Variants in ZMYM1 observed in about 807,000 individuals in gnomAD.
The protein encoded by ZMYM1 is zinc finger MYM-type protein 1.
ZMYM1 carries 39 observed loss-of-function variants against 60.0 expected under a neutral mutation model. That is an observed-to-expected ratio of 0.65 (90% CI 0.50 to 0.85). The LOEUF is 0.85. Ranked by LOEUF, ZMYM1 falls within the 40% of genes least tolerant of loss-of-function variation. The probability of loss-of-function intolerance (pLI) is 0.00; values close to 1 mark genes in which losing one functional copy is unlikely to be tolerated. For missense variants in ZMYM1, 1,171 were observed against 1,309.5 expected, an observed-to-expected ratio of 0.89 and a Z score of 1.63; for synonymous variants, 413 against 454.0, an observed-to-expected ratio of 0.91 and a Z score of 1.15.
chr1:35,094,213 T>C, intron 2 of ZMYM1, 130 bp downstream of exon 2: 2 of 669,346 alleles, frequency 3.0e-6, no homozygotes, highest in Admixed American at 3.1e-5. Flanking sequence ...AATTAAATAA[T>C]ACAAGGTATA....
Position 35,115,465 on chromosome 1 carries a change from G to GTA in ZMYM1, c.*209_*210dup, listed in dbSNP as rs1292172482. ...TTTTTCCTAAGTGGTATTGTACGGT[G>GTA]TATACTGTTCTTCAGCTTGTCTTCT... On this transcript the variant is annotated 3_prime_UTR_variant, in exon 10 of 10. Coordinates refer to ENST00000359858, the MANE Select transcript of ZMYM1 (RefSeq NM_024772.5). 2 of 415,228 alleles carry GTA rather than the reference G, an allele frequency of 4.8e-6. No individual in the cohort carries two copies. The highest frequency in any genetic ancestry group is 8.3e-6 in the Non-Finnish European group (2 of 241,688). 25.7% of individuals were successfully genotyped at this position (415,228 alleles called of 1,614,324 possible).
intron 1 of ZMYM1, among the ~76,000 whole-genome samples, chr1:35,091,121 A>C (rs990219481): frequency 6.6e-6 from 1 of 152,184 alleles, no homozygotes; most frequent in Non-Finnish European, 1.5e-5. Context: ...TGGGGGTAAT[A>C]AAAGAATATA....
chr1:35,111,901 A>G lies in ZMYM1; in HGVS notation c.1091A>G (p.Asp364Gly), dbSNP rs1230717397. The G allele has an allele frequency of 1.3e-6, 2 of 1,589,008 alleles. No homozygotes were observed. Among genetic ancestry groups the G allele is most frequent in the South Asian group, 1.1e-5 (1 of 87,156 alleles). The change falls in exon 8 of 10, where the codon GAT becomes GGT. Residue 364 changes from aspartate to glycine, a missense_variant. Physicochemically the swap from Asp to Gly is moderately conservative, Grantham distance 94. Transcript: ENST00000359858. ...TDVALPIMNT[D>G]VLQDTVSSVT... ...GTTGCCTTGCCCATCATGAACACTG[A>G]TGTCTTACAAGGTAAAAGTTGATGT...
intron 8 of ZMYM1, 37 bp from the exon 9 acceptor site, chr1:35,112,050 G>A (rs1217190459): frequency 3.1e-6 from 5 of 1,603,596 alleles, no homozygotes; most frequent in Admixed American, 3.4e-5. Flanking sequence ...ATAGGTTATA[G>A]TATATAAGAT....
chr1:35,095,909 G>A lies in ZMYM1; in HGVS notation c.169+18G>A, dbSNP rs2101973. On this transcript the variant is annotated intron_variant, in intron 3 of 9. Coordinates refer to ENST00000359858, the MANE Select transcript of ZMYM1 (RefSeq NM_024772.5). ...AGAGAGTGGTAATAGAATTATTTAA[G>A]TTAGTTATGTTTATTCAGACCAATA... is the stretch of plus-strand genomic sequence containing the variant. 0.83 allele frequency: 1,300,160 copies of A among 1,559,354 alleles called. 561,264 individuals are homozygous for A. Among genetic ancestry groups the A allele is most frequent in the Non-Finnish European group, 0.9 (1,020,188 of 1,134,112 alleles).
chr1:35,102,792 AT>A (rs1445712762), intron 4 of ZMYM1, among the ~76,000 whole-genome samples: 1 of 152,198 alleles, frequency 6.6e-6, no homozygotes, highest in East Asian at 1.9e-4. Flanking sequence ...GACAACCATC[AT>A]CCTTTGGTGT....
chr1:35,105,579 G>A (rs557884696), intron 6 of ZMYM1, among the ~76,000 whole-genome samples: 32 of 152,334 alleles, frequency 2.1e-4, no homozygotes, highest in African/African-American at 5.3e-4. Context: ...GATTACAGGC[G>A]TAAGCCACTG....
intron 6 of ZMYM1, among the ~76,000 whole-genome samples, chr1:35,108,427 C>G (rs1429517669): frequency 1.3e-5 from 2 of 152,122 alleles, no homozygotes; most frequent in East Asian, 3.9e-4. Context: ...TCTCAGCTCA[C>G]TGCAACCTCC....
chr1:35,081,011 TCAGCTCACTGCAACCTCCACCTC>T (rs1642359599), intron 1 of ZMYM1, among the ~76,000 whole-genome samples: 2 of 152,016 alleles, frequency 1.3e-5, no homozygotes, highest in Non-Finnish European at 2.9e-5. Context: ...TAGCGCGATC[TCAGCTCACTGCAACCTCCACCTC>T]CAGTTCAAGT....
chr1:35,072,243 C>T (rs1043337907), intron 1 of ZMYM1, among the ~76,000 whole-genome samples: 1 of 152,136 alleles, frequency 6.6e-6, no homozygotes. Context: ...TCAATTTCCT[C>T]ACTCATTTTT....
In ZMYM1 at chr1:35,110,349, A is replaced by G. The variant is rs763724640; in HGVS notation, c.863A>G (p.Glu288Gly). The G allele has an allele frequency of 6.3e-7, 1 of 1,592,832 alleles. No individual in the cohort carries two copies. Among genetic ancestry groups the G allele is most frequent in the South Asian group, 1.1e-5 (1 of 87,256 alleles). ...VPCKPLKPSD[E>G]MIETTSDLGK... ...TGCAAACCATTGAAGCCCTCAGATGAAATGATTGAGACTACGAGTGATTTG... is the reference window on the plus strand; with the variant it reads ...TGCAAACCATTGAAGCCCTCAGATGGAATGATTGAGACTACGAGTGATTTG... Residue 288 changes from glutamate to glycine, a missense_variant, in exon 7 of 10, where the codon GAA becomes GGA. Glu to Gly is a moderately conservative substitution (Grantham distance 98). Coordinates refer to ENST00000359858, the MANE Select transcript of ZMYM1 (RefSeq NM_024772.5).
chr1:35,076,106 C>T (rs1201815736), upstream of ZMYM1, among the ~76,000 whole-genome samples: 1 of 152,182 alleles, frequency 6.6e-6, no homozygotes, highest in African/African-American at 2.4e-5. Flanking sequence ...CAACCTCTTC[C>T]ACACTAGCCA....
intron 1 of ZMYM1, among the ~76,000 whole-genome samples, chr1:35,091,732 A>C (rs1212807624): frequency 2.8e-5 from 4 of 140,624 alleles, no homozygotes; most frequent in Non-Finnish European, 4.7e-5. Flanking sequence ...CCTTCTCTAC[A>C]AAAAAAAAAA....
rs746420102 is a variant in ZMYM1, at chr1:35,113,847, A to G, written c.2017A>G (p.Ile673Val). The change falls in exon 10 of 10, where the codon ATC (isoleucine) becomes GTC (valine). Residue 673 changes from isoleucine (I) to valine (V), a missense_variant. By Grantham distance (29) the Ile-to-Val change is conservative (BLOSUM62 3). Coordinates refer to ENST00000359858, the MANE Select transcript of ZMYM1 (RefSeq NM_024772.5). ...VRYPQKSSKA[I>V]LIKERFLGFV... The stretch of plus-strand genomic sequence containing the variant: ...ATACCCACAAAAATCATCAAAGGCT[A>G]TCTTAATTAAGGAAAGATTCTTGGG... The G allele has an allele frequency of 1.2e-6, 2 of 1,613,776 alleles. No individual in the cohort carries two copies. Among genetic ancestry groups the G allele is most frequent in the Non-Finnish European group, 1.7e-6 (2 of 1,179,844 alleles).
At chr1:35,095,914 T>C in intron 3 of ZMYM1, 23 bp downstream of exon 3, 4 of 1,517,558 alleles carry the variant, frequency 2.6e-6, no homozygotes, top group Non-Finnish European at 2.7e-6. Flanking sequence ...TTTAAGTTAG[T>C]TATGTTTATT....
rs1362786702 is a variant in ZMYM1, at chr1:35,111,899, T to C, written c.1089T>C (p.Thr363=). The change falls in exon 8 of 10, where the codon ACT becomes ACC. Residue 363 remains threonine (T), a synonymous_variant. Coordinates refer to ENST00000359858, the MANE Select transcript of ZMYM1 (RefSeq NM_024772.5). ...DTDVALPIMN[T]DVLQDTVSSV... ...ATGTTGCCTTGCCCATCATGAACAC[T>C]GATGTCTTACAAGGTAAAAGTTGAT... 1 of 1,590,442 alleles carries C rather than the reference T, an allele frequency of 6.3e-7. No homozygotes were observed. Among genetic ancestry groups the C allele is most frequent in the Non-Finnish European group, 8.6e-7 (1 of 1,166,116 alleles).
intron 1 of ZMYM1, among the ~76,000 whole-genome samples, chr1:35,084,573 A>C (rs1642559300): frequency 6.6e-6 from 1 of 152,166 alleles, no homozygotes; most frequent in Non-Finnish European, 1.5e-5. Context: ...CCTGGGGCAT[A>C]GCCATTACTC....
rs149530765 is a variant in ZMYM1, at chr1:35,098,505, T to A, written c.419+939T>A. On this transcript the variant is annotated intron_variant, in intron 4 of 9. Transcript: ENST00000359858. ...CTTTCAAATAATACTTGTTTTGGAC[T>A]CAGGTTGCCATAATTTGAATTTTGC... 2.3e-4 allele frequency among the ~76,000 whole-genome samples: 35 copies of A among 152,342 alleles called. No individual in the cohort carries two copies. The East Asian group carries it at 6.7e-3, about 29-fold the overall frequency.
intron 9 of ZMYM1, among the ~76,000 whole-genome samples, chr1:35,112,722 T>G (rs1644137475): frequency 6.6e-6 from 1 of 150,826 alleles, no homozygotes; most frequent in African/African-American, 2.4e-5. Context: ...TTTAAAAAAA[T>G]ACTACACAAT....
Sources: allele counts gnomAD v4.1 joint callset (sites outside exome capture counted in the v4.1 genomes callset), GRCh38; gene constraint gnomAD v4.1.1; transcripts MANE v1.5; gene names NCBI Gene and HGNC (gene_info 2026-07-23, HGNC 2026-07-21).